The following PARD3B variants were observed in gnomAD, a reference collection of about 807,000 sequenced individuals.
PARD3B encodes the protein par-3 family cell polarity regulator beta.
A neutral mutation model predicts 130.2 loss-of-function variants in PARD3B; 103 were observed. The ratio of observed to expected loss-of-function variants is 0.79; its 90% confidence interval spans 0.67 to 0.93. The LOEUF is 0.93. Ranked by LOEUF, PARD3B falls within the 40% of genes least tolerant of loss-of-function variation. The probability of loss-of-function intolerance (pLI) is 0.00; values close to 1 mark genes in which losing one functional copy is unlikely to be tolerated. For synonymous variants in PARD3B, 583 were observed against 553.2 expected, an observed-to-expected ratio of 1.05 and a Z score of -0.76; for missense variants, 1,609 against 1,499.2, an observed-to-expected ratio of 1.07 and a Z score of -1.21.
chr2:205,155,658 G>A (rs966381039), intron 10 of PARD3B, among the ~76,000 whole-genome samples: 9 of 152,142 alleles, frequency 5.9e-5, no homozygotes, highest in South Asian at 2.1e-4. Context: ...TTTACAGTCC[G>A]ACAAATATTG....
chr2:204,914,983 G>T (rs949746588), intron 2 of PARD3B, among the ~76,000 whole-genome samples: 3 of 152,110 alleles, frequency 2.0e-5, no homozygotes, highest in Non-Finnish European at 4.4e-5. Context: ...CTTAACCAGA[G>T]AGATTCCCAC....
chr2:204,877,782 T>C (rs983360144), intron 2 of PARD3B, among the ~76,000 whole-genome samples: 1 of 152,208 alleles, frequency 6.6e-6, no homozygotes, highest in African/African-American at 2.4e-5. Flanking sequence ...AGGAGAACTG[T>C]GTGTTTCTAC....
At chr2:205,555,347 G>C (rs775728123) in intron 22 of PARD3B, among the ~76,000 whole-genome samples, 2 of 152,204 alleles carry the variant, frequency 1.3e-5, no homozygotes, top group African/African-American at 4.8e-5. Context: ...CACAGTCCCA[G>C]TCCATCCTCA....
In PARD3B at chr2:205,121,675, A is replaced by G. The variant is rs750621852; in HGVS notation, c.891A>G (p.Glu297=). The change falls in exon 8 of 23, where the codon GAA becomes GAG. Residue 297 remains glutamate, a synonymous_variant. Transcript: ENST00000406610. This position sits in a 1 kb window ranked among gnomAD's most constrained non-coding sequence, Gnocchi z 5.0. The part of the protein sequence containing the change: ...VLPPQNREQY[E]KSVIGSLNIF... ...CTCCACAAAACCGTGAACAGTATGA[A>G]AAGTCAGTCATTGGCTCTCTTAACA... 2.5e-6 allele frequency: 4 copies of G among 1,614,184 alleles called. No individual in the cohort carries two copies. Among genetic ancestry groups the G allele is most frequent in the Non-Finnish European group, 2.5e-6 (3 of 1,180,032 alleles).
chr2:204,998,358 ATG>A (rs59323700), intron 3 of PARD3B, among the ~76,000 whole-genome samples: 1,333 of 69,602 alleles, frequency 0.019, 56 homozygotes, highest in African/African-American at 0.025. Flanking sequence ...ATATATATAT[ATG>A]TGTGTGTGTG....
chr2:205,417,858 C>A (rs1458462353), intron 19 of PARD3B, among the ~76,000 whole-genome samples: 1 of 152,208 alleles, frequency 6.6e-6, no homozygotes, highest in Non-Finnish European at 1.5e-5. Flanking sequence ...CTCCGGGAAC[C>A]CCCAGTGGAG....
intron 2 of PARD3B, among the ~76,000 whole-genome samples, chr2:204,824,093 G>A (rs966462356): frequency 9.2e-5 from 14 of 152,188 alleles, no homozygotes; most frequent in African/African-American, 3.4e-4. Context: ...AGCACAGTGA[G>A]CAAGAACAGT....
intron 15 of PARD3B, among the ~76,000 whole-genome samples, chr2:205,217,648 C>G (rs1271141824): frequency 6.6e-6 from 1 of 151,234 alleles, no homozygotes; most frequent in Non-Finnish European, 1.5e-5. Flanking sequence ...CAACAAATTA[C>G]TATTTTTTCT....
intron 1 of PARD3B, among the ~76,000 whole-genome samples, chr2:204,550,904 T>A (rs934771387): frequency 6.6e-6 from 1 of 152,246 alleles, no homozygotes; most frequent in Admixed American, 6.5e-5. Flanking sequence ...GATGCCTTGT[T>A]ACCTAAATAG....
chr2:205,355,165 C>A (rs116083765), intron 18 of PARD3B, among the ~76,000 whole-genome samples: 1 of 152,120 alleles, frequency 6.6e-6, no homozygotes, highest in East Asian at 1.9e-4. Flanking sequence ...CTGTTGCTGT[C>A]GTGAAAGGCT....
In PARD3B at chr2:204,926,732, T is replaced by C. The variant is rs139059768; in HGVS notation, c.223-38420T>C. Among the ~76,000 whole-genome samples, 1,063 of 152,266 alleles carry C rather than the reference T, an allele frequency of 7.0e-3. 6 individuals carry two copies. The highest frequency in any genetic ancestry group is 0.013 in the Admixed American group (194 of 15,292). The stretch of plus-strand genomic sequence containing the variant: ...TGACCTCTTAAATTCTGGTACAGTA[T>C]ACCAGAACCCAAGGATACACTCTAG... On this transcript the variant is annotated intron_variant, in intron 2 of 22. Transcript: ENST00000406610.
At position 205,379,766 on chromosome 2, in the gene PARD3B, G is replaced by C. The variant is rs546507794; in HGVS notation, c.2631-21247G>C. Among the ~76,000 whole-genome samples, 19 of 151,736 alleles carry C rather than the reference G, an allele frequency of 1.3e-4. No homozygotes were observed. In the South Asian group the frequency reaches 3.3e-3, roughly 27 times the overall value. ...GAGAGCTCTTATTACTTGAATACTT[G>C]TTCTTAAAAATATATGTGTGGGGCC... On this transcript the variant is annotated intron_variant, in intron 18 of 22. Transcript: ENST00000406610.
At chr2:205,205,415 T>G (rs1327894006) in intron 15 of PARD3B, among the ~76,000 whole-genome samples, 4 of 152,214 alleles carry the variant, frequency 2.6e-5, no homozygotes, top group Non-Finnish European at 4.4e-5. Flanking sequence ...ACTTCCTGTC[T>G]TCTTAGTTCA....
At chr2:205,459,267 G>T (rs1313153458) in intron 20 of PARD3B, among the ~76,000 whole-genome samples, 1 of 152,124 alleles carries the variant, frequency 6.6e-6, no homozygotes, top group East Asian at 1.9e-4. Flanking sequence ...GCTGTCTTGG[G>T]AGTTCTCCAA....
chr2:205,169,979 G>T (rs552171566), intron 11 of PARD3B, among the ~76,000 whole-genome samples: 1 of 142,102 alleles, frequency 7.0e-6, no homozygotes, highest in East Asian at 2.2e-4. Context: ...TGCCCAGGTT[G>T]GAGTGCAGTG....
chr2:204,726,373 C>G (rs560013336), intron 2 of PARD3B, among the ~76,000 whole-genome samples: 2 of 152,196 alleles, frequency 1.3e-5, no homozygotes, highest in South Asian at 4.1e-4. Flanking sequence ...AAGATGGCAC[C>G]CTAGAAGTTG....
intron 3 of PARD3B, among the ~76,000 whole-genome samples, chr2:204,998,264 C>A (rs1026294204): frequency 7.4e-6 from 1 of 134,518 alleles, no homozygotes; most frequent in African/African-American, 2.8e-5. Flanking sequence ...CATGTGTATA[C>A]CTATGTAACA....
At chr2:205,195,200 AT>A (rs979574966) in intron 15 of PARD3B, among the ~76,000 whole-genome samples, 4 of 152,044 alleles carry the variant, frequency 2.6e-5, no homozygotes, top group East Asian at 1.9e-4. Context: ...CATTCTTTGC[AT>A]TTTTTTATAC....
At chr2:204,903,000 C>T (rs1559243493) in intron 2 of PARD3B, among the ~76,000 whole-genome samples, 1 of 152,142 alleles carries the variant, frequency 6.6e-6, no homozygotes, top group African/African-American at 2.4e-5. Context: ...GCAAGAGTTT[C>T]AGAGAGAAAA....
Sources: gnomAD v4.1 joint callset for allele counts (sites outside exome capture counted in the v4.1 genomes callset) on GRCh38, gnomAD v4.1.1 for gene constraint, Gnocchi (gnomAD v3.1) non-coding constraint, MANE v1.5 for transcripts, NCBI Gene and HGNC (gene_info 2026-07-23, HGNC 2026-07-21) for gene names.